Variants in NRIP1 observed in about 807,000 individuals in gnomAD.
NRIP1 encodes nuclear receptor interacting protein 1.
In NRIP1, 28 loss-of-function variants were observed where a neutral mutation model predicts 75.0. The observed-to-expected ratio is 0.37, with a 90% CI of 0.28 to 0.51. The LOEUF is 0.51. Among genes scored for constraint, NRIP1 ranks in the 20% least tolerant of loss-of-function variants. The pLI, the probability that NRIP1 is intolerant of heterozygous loss-of-function variation, is 0.92. For missense variants in NRIP1, 1,435 were observed against 1,343.7 expected, an observed-to-expected ratio of 1.07 and a Z score of -1.06; for synonymous variants, 526 against 487.6, an observed-to-expected ratio of 1.08 and a Z score of -1.04.
intron 2 of NRIP1, among the ~76,000 whole-genome samples, chr21:15,021,791 A>T (rs544810994): frequency 6.6e-6 from 1 of 152,314 alleles, no homozygotes; most frequent in African/African-American, 2.4e-5. Context: ...TAGATATAAA[A>T]GCTCAACATC....
At chr21:15,034,949 T>C (rs1441649101) in intron 2 of NRIP1, among the ~76,000 whole-genome samples, 2 of 152,234 alleles carry the variant, frequency 1.3e-5, no homozygotes, top group African/African-American at 4.8e-5. Context: ...ATTATCTTTC[T>C]ATAGCATTAC....
At chr21:15,065,208 T>G (rs183966661), upstream of NRIP1, among the ~76,000 whole-genome samples, 292 of 152,174 alleles carry the variant, frequency 1.9e-3, 2 homozygotes, top group African/African-American at 6.7e-3. Context: ...TCACAGGAGC[T>G]GCGGAACCCC....
intron 3 of NRIP1, among the ~76,000 whole-genome samples, chr21:15,000,895 G>A (rs923926011): frequency 1.3e-5 from 2 of 152,144 alleles, no homozygotes; most frequent in Non-Finnish European, 2.9e-5. Context: ...TAGACAATAT[G>A]ACCTCAAATA....
At chr21:14,984,111 T>C (rs1441054334) in intron 3 of NRIP1, among the ~76,000 whole-genome samples, 1 of 152,214 alleles carries the variant, frequency 6.6e-6, no homozygotes, top group African/African-American at 2.4e-5. Context: ...TGATTGGATC[T>C]GGGCAGAGTC....
At chr21:15,012,533 C>A (rs867957427) in intron 3 of NRIP1, among the ~76,000 whole-genome samples, 1 of 133,920 alleles carries the variant, frequency 7.5e-6, no homozygotes, top group Middle Eastern at 5.3e-3. Context: ...TGGCTCACTG[C>A]AACCCCGACT....
intron 3 of NRIP1, among the ~76,000 whole-genome samples, chr21:15,011,068 A>G (rs974375756): frequency 6.6e-6 from 1 of 152,252 alleles, no homozygotes; most frequent in Admixed American, 6.5e-5. Context: ...CACATTTTAC[A>G]AAGAGTTATT....
chr21:15,040,259 A>T (rs879476963), intron 2 of NRIP1, among the ~76,000 whole-genome samples: 15 of 152,076 alleles, frequency 9.9e-5, no homozygotes, highest in Non-Finnish European at 1.9e-4. Context: ...CATTGAAAGG[A>T]TAACATTTTG....
chr21:15,057,668 G>A (rs943622084), intron 1 of NRIP1, among the ~76,000 whole-genome samples: 20 of 152,162 alleles, frequency 1.3e-4, no homozygotes, highest in African/African-American at 4.8e-4. Context: ...ATGGCAACTG[G>A]TTTTTTCTTC....
intron 2 of NRIP1, among the ~76,000 whole-genome samples, chr21:15,034,813 T>A (rs1365333821): frequency 6.6e-6 from 1 of 152,002 alleles, no homozygotes; most frequent in African/African-American, 2.4e-5. Context: ...AAAATAAAAA[T>A]AAAAATGTGT....
chr21:15,023,669 T>C lies in NRIP1; in HGVS notation c.-457-9203A>G, dbSNP rs117931347. ...AAACAAATGCCTTTAATGCAATGCCTATCAAAATGTAAAAGGTTTAATAAG... is the reference window on the plus strand; with the variant it reads ...AAACAAATGCCTTTAATGCAATGCCCATCAAAATGTAAAAGGTTTAATAAG... On this transcript the variant is annotated intron_variant, in intron 2 of 3. Coordinates refer to ENST00000318948, the MANE Select transcript of NRIP1 (RefSeq NM_003489.4). 2.2e-3 allele frequency among the ~76,000 whole-genome samples: 341 copies of C among 152,294 alleles called. 2 individuals carry two copies. The highest frequency in any genetic ancestry group is 3.7e-3 in the Non-Finnish European group (254 of 68,016).
chr21:14,997,376 C>G (rs1432134753), intron 3 of NRIP1, among the ~76,000 whole-genome samples: 1 of 152,014 alleles, frequency 6.6e-6, no homozygotes, highest in East Asian at 1.9e-4. Flanking sequence ...GTTTTTGATA[C>G]ATATTTTAAT....
At position 14,965,508 on chromosome 21, in the gene NRIP1, A is replaced by G. The variant is rs200889523; in HGVS notation, c.2685T>C (p.Leu895=). The change falls in exon 4 of 4, where the codon CTT becomes CTC. Residue 895 remains leucine, a synonymous_variant. Coordinates refer to ENST00000318948, the MANE Select transcript of NRIP1 (RefSeq NM_003489.4). ...SAPEVLYGSL[L]NQEELKFSRN... ...TGCTAAATTTCAGCTCTTCCTGGTT[A>G]AGCAAGGACCCATACAGTACTTCTG... The G allele has an allele frequency of 2.0e-4, 329 of 1,613,870 alleles. No homozygotes were observed. The highest frequency in any genetic ancestry group is 2.7e-4 in the Non-Finnish European group (320 of 1,179,944).
chr21:14,965,875 C>A lies in NRIP1; in HGVS notation c.2318G>T (p.Ser773Ile), dbSNP rs779636766. ...GAATGGGGCACTCTTAGCATCATGG[C>A]TCAAGTGCACATTTGTGTTAGGAAT... ...LQIPNTNVHL[S>I]HDAKSAPFLG... Residue 773 changes from serine to isoleucine, a missense_variant, in exon 4 of 4, where the codon AGC (serine) becomes ATC (isoleucine). Physicochemically the swap from Ser to Ile is moderately radical, Grantham distance 142. Coordinates refer to ENST00000318948, the MANE Select transcript of NRIP1 (RefSeq NM_003489.4). 6.2e-7 allele frequency: 1 copy of A among 1,614,088 alleles called. No individual in the cohort carries two copies. Among genetic ancestry groups the A allele is most frequent in the Non-Finnish European group, 8.5e-7 (1 of 1,179,982 alleles).
chr21:15,018,623 A>C (rs2088292979), intron 2 of NRIP1, among the ~76,000 whole-genome samples: 1 of 152,184 alleles, frequency 6.6e-6, no homozygotes, highest in Non-Finnish European at 1.5e-5. Flanking sequence ...AAAAATGGTA[A>C]CAAATTAGGT....
intron 3 of NRIP1, among the ~76,000 whole-genome samples, chr21:15,003,947 C>G (rs2087906252): frequency 6.6e-6 from 1 of 152,176 alleles, no homozygotes; most frequent in Non-Finnish European, 1.5e-5. Flanking sequence ...CAGGCAAGGG[C>G]AGGATGCAAT....
chr21:15,039,922 A>G (rs1297895985), intron 2 of NRIP1, among the ~76,000 whole-genome samples: 1 of 152,094 alleles, frequency 6.6e-6, no homozygotes, highest in Non-Finnish European at 1.5e-5. Context: ...TTATTCCAAA[A>G]TAGAAGGAAA....
intron 2 of NRIP1, among the ~76,000 whole-genome samples, chr21:15,041,886 TTTTGGGTTCATTTAC>T: frequency 6.6e-6 from 1 of 152,288 alleles, no homozygotes; most frequent in East Asian, 1.9e-4. Flanking sequence ...AAATTTAATT[TTTTGGGTTCATTTAC>T]AAGTTCTTTC....
chr21:15,002,096 C>G (rs1180379889), intron 3 of NRIP1: 1 of 152,184 alleles, frequency 6.6e-6, no homozygotes, highest in Non-Finnish European at 1.5e-5. Context: ...CTTAGACTTA[C>G]AGCACGTGCC....
chr21:15,015,215 C>T lies in NRIP1; in HGVS notation c.-457-749G>A, dbSNP rs75413872. On this transcript the variant is annotated intron_variant, in intron 2 of 3. Transcript: ENST00000318948. The stretch of plus-strand genomic sequence containing the variant: ...TCCATTTGGATAACATTCCAGAAAA[C>T]GCAAATTCATCTATTGTGAAAGAAA... Among the ~76,000 whole-genome samples, 2,306 of 152,048 alleles carry T rather than the reference C, an allele frequency of 0.015. 205 individuals carry two copies. In the East Asian group the frequency reaches 0.26, roughly 17 times the overall value.
Sources: gnomAD v4.1 joint callset for allele counts (sites outside exome capture counted in the v4.1 genomes callset) on GRCh38, gnomAD v4.1.1 for gene constraint, MANE v1.5 for transcripts, NCBI Gene and HGNC (gene_info 2026-07-23, HGNC 2026-07-21) for gene names.